Variants in TRMT44 observed in about 807,000 individuals in gnomAD.
TRMT44 encodes the protein probable tRNA (uracil-O(2)-)-methyltransferase.
A neutral mutation model predicts 77.3 loss-of-function variants in TRMT44; 78 were observed. That is an observed-to-expected ratio of 1.01 (90% CI 0.84 to 1.22). The LOEUF is 1.22. Among genes scored for constraint, TRMT44 ranks in the 50% most tolerant of loss-of-function variants. The pLI is 0.00. For synonymous variants in TRMT44, 391 were observed against 383.3 expected (o/e 1.02, Z -0.23); for missense variants, 1,090 against 964.4 (o/e 1.13, Z -1.73).
At chr4:8,494,700 T>A (rs980986446), downstream of TRMT44, among the ~76,000 whole-genome samples, 2 of 152,244 alleles carry the variant, frequency 1.3e-5, no homozygotes, top group Non-Finnish European at 2.9e-5. Context: ...TGAGGCTGTG[T>A]TATGGGTGTG....
At chr4:8,491,653 G>A (rs535511599) in intron 2 of TRMT44, among the ~76,000 whole-genome samples, 6 of 152,356 alleles carry the variant, frequency 3.9e-5, no homozygotes, top group Non-Finnish European at 7.3e-5. Context: ...GCTGGCCCGG[G>A]TGCCAAGTCC....
Position 8,450,754 on chromosome 4 carries a change from TCC to T in TRMT44, c.954+869_954+870del, listed in dbSNP as rs1417931475. ...CTATTCTTCCTAGTTCCCATCTTCC[TCC>T]CCGTCCTAGGAGTAACCACAATTTG... is the stretch of plus-strand genomic sequence containing the variant. On this transcript the variant is annotated intron_variant, in intron 3 of 10. Coordinates refer to ENST00000389737, the MANE Select transcript of TRMT44 (RefSeq NM_152544.3). Among the ~76,000 whole-genome samples the T allele has an allele frequency of 2.0e-5, 3 of 147,248 alleles. No homozygotes were observed. The Admixed American group carries it at 2.0e-4, about 10-fold the overall frequency.
intron 5 of TRMT44, chr4:8,454,399 A>T (rs563924673): frequency 1.3e-4 from 34 of 261,386 alleles, no homozygotes; most frequent in Non-Finnish European, 2.1e-4. Context: ...GAAAAAGGGC[A>T]CTGTAACAAC....
chr4:8,479,961 A>G (rs1008438851), downstream of TRMT44, among the ~76,000 whole-genome samples: 1 of 151,962 alleles, frequency 6.6e-6, no homozygotes, highest in Admixed American at 6.6e-5. Context: ...CACTACAGTG[A>G]GCCTCAGCCT....
chr4:8,445,467 C>T (rs1724999643), intron 1 of TRMT44, among the ~76,000 whole-genome samples: 1 of 152,210 alleles, frequency 6.6e-6, no homozygotes, highest in Non-Finnish European at 1.5e-5. Context: ...TCACCTTGTC[C>T]ACGCCACTCA....
chr4:8,456,835 G>T (rs1018392495), intron 6 of TRMT44, among the ~76,000 whole-genome samples: 1 of 152,166 alleles, frequency 6.6e-6, no homozygotes, highest in Non-Finnish European at 1.5e-5. Context: ...TAGATAACAG[G>T]AGGAGTAGCT....
At chr4:8,488,296 G>T (rs1223701081) in intron 2 of TRMT44, among the ~76,000 whole-genome samples, 1 of 152,198 alleles carries the variant, frequency 6.6e-6, no homozygotes, top group Admixed American at 6.5e-5. Context: ...CACCAAACAG[G>T]CTTTGTGTGA....
the TRMT44 span, among the ~76,000 whole-genome samples, chr4:8,499,232 A>T: frequency 6.6e-6 from 1 of 152,094 alleles, no homozygotes; most frequent in Non-Finnish European, 1.5e-5. Context: ...CATCCGGCAC[A>T]GGAGACTTGC....
chr4:8,467,311 A>T (rs1267157773), intron 8 of TRMT44, among the ~76,000 whole-genome samples: 1 of 152,110 alleles, frequency 6.6e-6, no homozygotes, highest in African/African-American at 2.4e-5. Flanking sequence ...GGAAACTAGG[A>T]CGGTGCGGCT....
intron 10 of TRMT44, among the ~76,000 whole-genome samples, chr4:8,471,889 G>A (rs1323231137): frequency 1.3e-5 from 2 of 152,248 alleles, no homozygotes; most frequent in African/African-American, 4.8e-5. Flanking sequence ...GGTGCCAGTG[G>A]TGTACACACT....
At chr4:8,462,065 C>A (rs768738624) in intron 6 of TRMT44, among the ~76,000 whole-genome samples, 6 of 152,162 alleles carry the variant, frequency 3.9e-5, no homozygotes, top group Non-Finnish European at 8.8e-5. Context: ...ATTGTGTGAA[C>A]CTGTATATGA....
chr4:8,481,757 CTG>C (rs1727620965), intron 2 of TRMT44, among the ~76,000 whole-genome samples: 1 of 152,268 alleles, frequency 6.6e-6, no homozygotes, highest in South Asian at 2.1e-4. Flanking sequence ...ATCAATATCA[CTG>C]TCTCCCACCT....
chr4:8,485,975 A>G (rs1727791100), intron 2 of TRMT44, among the ~76,000 whole-genome samples: 1 of 152,296 alleles, frequency 6.6e-6, no homozygotes, highest in East Asian at 1.9e-4. Context: ...CCACTGTGAG[A>G]GTTACCTAAA....
downstream of TRMT44, among the ~76,000 whole-genome samples, chr4:8,480,089 G>A (rs1006981629): frequency 6.6e-6 from 1 of 152,118 alleles, no homozygotes; most frequent in Admixed American, 6.5e-5. Flanking sequence ...TCCTGTTAGG[G>A]GTGGCGAATA....
chr4:8,476,210 T>TG lies in TRMT44; in HGVS notation c.*211dup. 1 of 598,502 alleles carries TG rather than the reference T, an allele frequency of 1.7e-6. No homozygotes were observed. The highest frequency in any genetic ancestry group is 2.0e-5 in the South Asian group (1 of 49,398). The allele number at this position is 598,502 out of a possible 1,614,324, so 37.1% of individuals were successfully genotyped here. On this transcript the variant is annotated 3_prime_UTR_variant, in exon 11 of 11. Coordinates refer to ENST00000389737, the MANE Select transcript of TRMT44 (RefSeq NM_152544.3). ...ACTCGGAAGCCCCCAGCTGACTGCC[T>TG]GGCTTGTTTCAGATGCAGCCGCTTG... is the stretch of plus-strand genomic sequence containing the variant.
the TRMT44 span, among the ~76,000 whole-genome samples, chr4:8,505,559 A>C: frequency 1.3e-5 from 2 of 152,344 alleles, no homozygotes; most frequent in South Asian, 4.1e-4. Context: ...GAAGGGGAGC[A>C]GCAAATGTGC....
At position 8,441,485 on chromosome 4, in the gene TRMT44, G is replaced by C. The variant is rs1390406187; in HGVS notation, c.619+44G>C. 4.2e-6 allele frequency: 6 copies of C among 1,441,794 alleles called. No homozygotes were observed. In the East Asian group the frequency reaches 1.5e-4, roughly 36 times the overall value. The allele number at this position is 1,441,794 out of a possible 1,614,324, so 89.3% of individuals were successfully genotyped here. Reference sequence around the variant, plus strand: ...TGGACGGATATGATTAGATAAAAAAGCATTCATAGAACCTCGGGTCAATGA... The same window carrying C: ...TGGACGGATATGATTAGATAAAAAACCATTCATAGAACCTCGGGTCAATGA... On this transcript the variant is annotated intron_variant, in intron 1 of 10. Transcript: ENST00000389737.
At position 8,452,533 on chromosome 4, in the gene TRMT44, G is replaced by C. The variant is rs1725518984; in HGVS notation, c.1024-349G>C. Reference sequence around the variant, plus strand: ...GCAGATCACTTGAGGTCAGGAGTTTGAGACCAGCCTGGCCAACATGGTGAA... The same window carrying C: ...GCAGATCACTTGAGGTCAGGAGTTTCAGACCAGCCTGGCCAACATGGTGAA... On this transcript the variant is annotated intron_variant, in intron 4 of 10. Coordinates refer to ENST00000389737, the MANE Select transcript of TRMT44 (RefSeq NM_152544.3). This position sits in a 1 kb window ranked among gnomAD's most constrained non-coding sequence, Gnocchi z 5.7. Among the ~76,000 whole-genome samples, 1 of 152,182 alleles carries C rather than the reference G, an allele frequency of 6.6e-6. No homozygotes were observed. The highest frequency in any genetic ancestry group is 2.4e-5 in the African/African-American group (1 of 41,450).
At chr4:8,458,020 C>T (rs948408149) in intron 6 of TRMT44, among the ~76,000 whole-genome samples, 20 of 152,080 alleles carry the variant, frequency 1.3e-4, no homozygotes, top group African/African-American at 4.8e-4. Flanking sequence ...CAACCCAGCG[C>T]CAGATGATGA....
Sources: allele counts gnomAD v4.1 joint callset (sites outside exome capture counted in the v4.1 genomes callset), GRCh38; gene constraint gnomAD v4.1.1; non-coding constraint Gnocchi (gnomAD v3.1); transcripts MANE v1.5; gene names NCBI Gene and HGNC (gene_info 2026-07-23, HGNC 2026-07-21).